Variants in DPYD observed in about 807,000 individuals in gnomAD.
DPYD encodes the protein dihydropyrimidine dehydrogenase.
In DPYD, 109 loss-of-function variants were observed where a neutral mutation model predicts 116.2. That is an observed-to-expected ratio of 0.94 (90% confidence interval 0.80 to 1.10). The LOEUF (loss-of-function observed/expected upper bound fraction) is 1.10, where lower values mean the gene tolerates loss of function less well. Ranked by LOEUF, DPYD falls within the 50% of genes least tolerant of loss-of-function variation. The pLI is 0.00. For missense variants in DPYD, 1,302 were observed against 1,254.5 expected (o/e 1.04, Z -0.57); for synonymous variants, 440 against 432.0 (o/e 1.02, Z -0.23).
At chr1:97,710,485 A>C (rs1035182476) in intron 5 of DPYD, among the ~76,000 whole-genome samples, 4 of 151,890 alleles carry the variant, frequency 2.6e-5, no homozygotes, top group African/African-American at 9.7e-5. Context: ...AAATGTATTA[A>C]AAATGATAAA....
rs1306982769 is a variant in DPYD at position 97,456,869 on chromosome 1, A to G, written c.1741-6646T>C. The stretch of plus-strand genomic sequence containing the variant: ...TAAAAACTCTCCATAGTCTTGAATC[A>G]AACATGATGGTCCATTTCCTATTCC... On this transcript the variant is annotated intron_variant, in intron 13 of 22. Coordinates refer to ENST00000370192, the MANE Select transcript of DPYD (RefSeq NM_000110.4). Among the ~76,000 whole-genome samples, 4 of 152,140 alleles carry G rather than the reference A, an allele frequency of 2.6e-5. No homozygotes were observed. The East Asian group carries it at 7.7e-4, about 29-fold the overall frequency.
chr1:97,828,477 T>C (rs1669360725), intron 2 of DPYD, among the ~76,000 whole-genome samples: 1 of 152,168 alleles, frequency 6.6e-6, no homozygotes, highest in Admixed American at 6.5e-5. Flanking sequence ...GAAATGAATT[T>C]ATAAAAGTAG....
chr1:97,892,588 T>G (rs767754718), intron 1 of DPYD, among the ~76,000 whole-genome samples: 1 of 151,792 alleles, frequency 6.6e-6, no homozygotes, highest in Admixed American at 6.6e-5. Flanking sequence ...CAGAAACCCA[T>G]GGTAATCAGT....
intron 1 of DPYD, among the ~76,000 whole-genome samples, chr1:97,919,113 C>T (rs901556504): frequency 2.0e-5 from 3 of 152,146 alleles, no homozygotes; most frequent in Non-Finnish European, 2.9e-5. Flanking sequence ...TAATTTCATG[C>T]TCTTTCATGG....
At chr1:97,503,474 G>A (rs1286744854) in intron 13 of DPYD, among the ~76,000 whole-genome samples, 1 of 151,982 alleles carries the variant, frequency 6.6e-6, no homozygotes, top group African/African-American at 2.4e-5. Flanking sequence ...TGACTGAGCA[G>A]GGCAGAGATA....
chr1:97,569,147 T>A (rs968430584), intron 11 of DPYD, among the ~76,000 whole-genome samples: 2 of 151,892 alleles, frequency 1.3e-5, no homozygotes, highest in Non-Finnish European at 2.9e-5. Flanking sequence ...GTTGTAAAAA[T>A]GAAGCAGTGA....
intron 13 of DPYD, among the ~76,000 whole-genome samples, chr1:97,458,115 C>A (rs1322279167): frequency 6.6e-6 from 1 of 152,160 alleles, no homozygotes; most frequent in Admixed American, 6.6e-5. Context: ...CCCAGAATAG[C>A]AGCTGTGAAG....
At chr1:97,640,648 G>C (rs1055003492) in intron 8 of DPYD, among the ~76,000 whole-genome samples, 1 of 152,076 alleles carries the variant, frequency 6.6e-6, no homozygotes, top group African/African-American at 2.4e-5. Context: ...GTCTGTAATT[G>C]TAAGTTATGT....
chr1:97,485,848 T>A (rs1365945633), intron 13 of DPYD, among the ~76,000 whole-genome samples: 1 of 152,192 alleles, frequency 6.6e-6, no homozygotes, highest in East Asian at 1.9e-4. Context: ...TTCTAATATT[T>A]TGTTGGTATC....
At chr1:97,096,969 G>T (rs1480885954) in intron 21 of DPYD, among the ~76,000 whole-genome samples, 2 of 152,160 alleles carry the variant, frequency 1.3e-5, no homozygotes, top group African/African-American at 2.4e-5. Flanking sequence ...GAACCCCTGG[G>T]CAGGAACCAA....
At chr1:97,546,724 A>C (rs974485223) in intron 12 of DPYD, 113 of 1,613,098 alleles carry the variant, frequency 7.0e-5, no homozygotes, top group Admixed American at 1.3e-4. Context: ...AGTAGAGCTG[A>C]AGTTTCCTGC....
In DPYD at chr1:97,573,976, A is replaced by G; in HGVS notation, c.1129-6T>C. 6.2e-7 allele frequency: 1 copy of G among 1,613,166 alleles called. No individual in the cohort carries two copies. The highest frequency in any genetic ancestry group is 8.5e-7 in the Non-Finnish European group (1 of 1,179,408). ...TCTTCCTTAGCAAGTTCCATCTAAAACAAAACAGAACAGAGAAGAAACTTG... is the reference window on the plus strand; with the variant it reads ...TCTTCCTTAGCAAGTTCCATCTAAAGCAAAACAGAACAGAGAAGAAACTTG... On this transcript the variant is annotated splice_region_variant and splice_polypyrimidine_tract_variant and intron_variant, in intron 10 of 22. Transcript: ENST00000370192.
chr1:97,384,237 T>G (rs1480821845), intron 14 of DPYD, among the ~76,000 whole-genome samples: 7 of 138,988 alleles, frequency 5.0e-5, no homozygotes, highest in Non-Finnish European at 9.5e-5. Context: ...GCTTTTTTAT[T>G]TACTTTGAGA....
intron 13 of DPYD, among the ~76,000 whole-genome samples, chr1:97,511,609 A>G (rs1375608641): frequency 2.6e-5 from 4 of 151,980 alleles, no homozygotes; most frequent in Non-Finnish European, 5.9e-5. Flanking sequence ...TAAAACATGG[A>G]TGAAATTTAT....
intron 16 of DPYD, among the ~76,000 whole-genome samples, chr1:97,334,012 T>A (rs1669163054): frequency 1.3e-5 from 2 of 152,174 alleles, no homozygotes; most frequent in African/African-American, 4.8e-5. Flanking sequence ...ATAAACGACT[T>A]TAGTTCTGTT....
At chr1:97,392,121 A>T (rs1007798271) in intron 14 of DPYD, among the ~76,000 whole-genome samples, 5 of 152,078 alleles carry the variant, frequency 3.3e-5, no homozygotes, top group Non-Finnish European at 5.9e-5. Context: ...CCTCGAAGAT[A>T]TTGCAGGTTT....
At chr1:97,309,331 TTG>T (rs59669909) in intron 16 of DPYD, among the ~76,000 whole-genome samples, 39,717 of 147,456 alleles carry the variant, frequency 0.27, 5,799 homozygotes, top group Admixed American at 0.4. Flanking sequence ...GTTGCTTGTC[TTG>T]TGTGTGTGTG....
chr1:97,514,442 A>G (rs974355567), intron 13 of DPYD, among the ~76,000 whole-genome samples: 1 of 151,864 alleles, frequency 6.6e-6, no homozygotes, highest in Non-Finnish European at 1.5e-5. Context: ...TATAGTCAGT[A>G]TATGCTATCT....
chr1:97,907,651 T>C (rs1673705754), intron 1 of DPYD, among the ~76,000 whole-genome samples: 8 of 152,086 alleles, frequency 5.3e-5, no homozygotes. Flanking sequence ...CAGTCTCATT[T>C]ATTCCTAATA....
Sources: gnomAD v4.1 joint callset for allele counts (sites outside exome capture counted in the v4.1 genomes callset) on GRCh38, gnomAD v4.1.1 for gene constraint, MANE v1.5 for transcripts, NCBI Gene and HGNC (gene_info 2026-07-23, HGNC 2026-07-21) for gene names.